ANXA5: variants seen among roughly 807,000 people sequenced by gnomAD.
ANXA5 encodes the protein annexin A5.
Under a neutral mutation model 48.1 loss-of-function variants are expected in ANXA5, and 40 were observed. That is an observed-to-expected ratio of 0.83 (90% CI 0.65 to 1.08). The LOEUF (loss-of-function observed/expected upper bound fraction) is 1.08. Among genes scored for constraint, ANXA5 ranks in the 50% least tolerant of loss-of-function variants. The pLI is 0.00. For synonymous variants in ANXA5, 113 were observed against 129.1 expected, an observed-to-expected ratio of 0.88 and a Z score of 0.85; for missense variants, 357 against 376.8, an observed-to-expected ratio of 0.95 and a Z score of 0.44.
At chr4:121,686,971 C>T (rs1724901691) in intron 2 of ANXA5, among the ~76,000 whole-genome samples, 2 of 152,238 alleles carry the variant, frequency 1.3e-5, no homozygotes, top group Non-Finnish European at 2.9e-5. Flanking sequence ...CATATATATA[C>T]ACTGCTTTTA....
intron 3 of ANXA5, among the ~76,000 whole-genome samples, chr4:121,685,788 C>T (rs12511956): frequency 0.72 from 109,169 of 152,106 alleles, 43,305 homozygotes; most frequent in East Asian, 0.99. Context: ...GCACAGCTGC[C>T]CACCTGCAGG....
intron 5 of ANXA5, 70 bp downstream of exon 5, chr4:121,683,294 A>C: frequency 3.3e-6 from 3 of 900,316 alleles, no homozygotes; most frequent in Non-Finnish European, 4.9e-6. Context: ...ATAACAAATA[A>C]GAGGAAGTAA....
intron 6 of ANXA5, 133 bp downstream of exon 6, chr4:121,681,538 T>G: frequency 2.1e-6 from 1 of 482,822 alleles, no homozygotes; most frequent in Admixed American, 3.6e-5. Context: ...GAATTGCAGG[T>G]CATTCATTCA....
chr4:121,690,891 C>T (rs973503942), intron 2 of ANXA5, among the ~76,000 whole-genome samples: 1 of 152,152 alleles, frequency 6.6e-6, no homozygotes, highest in African/African-American at 2.4e-5. Flanking sequence ...AGCCACGTAG[C>T]GGTATTAAGA....
chr4:121,683,064 A>AT (rs374755087), intron 5 of ANXA5, among the ~76,000 whole-genome samples: 2 of 152,246 alleles, frequency 1.3e-5, no homozygotes, highest in Non-Finnish European at 1.5e-5. Context: ...CATCTGTAAT[A>AT]TTTTTTAAAC....
Position 121,693,341 on chromosome 4 carries a change from T to C in ANXA5, c.9+3240A>G, listed in dbSNP as rs565485899. Among the ~76,000 whole-genome samples the C allele has an allele frequency of 3.9e-5, 6 of 152,174 alleles. No individual in the cohort carries two copies. The East Asian group carries it at 7.7e-4, about 20-fold the overall frequency. ...TGATATGTTTACATATTATGTAAAC[T>C]AACTAAACTGAAAGACTGCGTCTAA... On this transcript the variant is annotated intron_variant, in intron 2 of 12. Coordinates refer to ENST00000296511, the MANE Select transcript of ANXA5 (RefSeq NM_001154.4).
chr4:121,678,105 C>G (rs1007553193), intron 7 of ANXA5, 155 bp from the exon 8 acceptor site: 8 of 654,322 alleles, frequency 1.2e-5, no homozygotes, highest in African/African-American at 3.6e-5. Context: ...TTATCATCAC[C>G]CAGCACTGTC....
intron 2 of ANXA5, among the ~76,000 whole-genome samples, chr4:121,693,405 TA>T: frequency 6.6e-6 from 1 of 152,188 alleles, no homozygotes; most frequent in Admixed American, 6.5e-5. Flanking sequence ...CCCTAATTTT[TA>T]AAAAACAGAT....
intron 4 of ANXA5, among the ~76,000 whole-genome samples, chr4:121,684,361 A>G (rs1239205370): frequency 3.9e-5 from 6 of 152,244 alleles, no homozygotes; most frequent in African/African-American, 1.4e-4. Flanking sequence ...GCTTACACCT[A>G]GAAAATGGAT....
intron 5 of ANXA5, among the ~76,000 whole-genome samples, 175 bp downstream of exon 5, chr4:121,683,189 C>G (rs1331718255): frequency 6.6e-6 from 1 of 152,126 alleles, no homozygotes; most frequent in Non-Finnish European, 1.5e-5. Context: ...TGAAATGACA[C>G]ACGTGTAATT....
chr4:121,682,905 G>C (rs1358273581), intron 5 of ANXA5, among the ~76,000 whole-genome samples: 1 of 152,084 alleles, frequency 6.6e-6, no homozygotes, highest in African/African-American at 2.4e-5. Context: ...CTTCATTTTA[G>C]TGTTTAGAGG....
At chr4:121,675,238 G>C (rs1278702795) in intron 8 of ANXA5, among the ~76,000 whole-genome samples, 1 of 152,206 alleles carries the variant, frequency 6.6e-6, no homozygotes, top group African/African-American at 2.4e-5. Flanking sequence ...AAAACGTTCA[G>C]TTCCCAAGTG....
At chr4:121,676,681 G>A (rs75451648) in intron 8 of ANXA5, among the ~76,000 whole-genome samples, 1 of 103,770 alleles carries the variant, frequency 9.6e-6, no homozygotes, top group Non-Finnish European at 2.4e-5. Flanking sequence ...GCCTGGGGGC[G>A]GGGGGGGGTA....
chr4:121,676,914 G>A (rs925842560), intron 8 of ANXA5, among the ~76,000 whole-genome samples: 1 of 152,170 alleles, frequency 6.6e-6, no homozygotes, highest in Non-Finnish European at 1.5e-5. Flanking sequence ...AGAGTCTGAA[G>A]GGGCTGGACA....
chr4:121,696,657 G>A, intron 1 of ANXA5, 33 bp from the exon 2 acceptor site: 1 of 1,306,998 alleles, frequency 7.7e-7, no homozygotes, highest in Non-Finnish European at 9.9e-7. Flanking sequence ...GGCTTAGCGC[G>A]CCATTTGCAA....
chr4:121,681,778 A>G lies in ANXA5; in HGVS notation c.304-17T>C. ...TCCAGCTCCCTGTTTGGAGATTTTA[A>G]TAGAGAAAACATGTCAATAAGATTA... On this transcript the variant is annotated splice_polypyrimidine_tract_variant and intron_variant, in intron 5 of 12. Coordinates refer to ENST00000296511, the MANE Select transcript of ANXA5 (RefSeq NM_001154.4). 1.3e-6 allele frequency: 2 copies of G among 1,570,232 alleles called. No individual in the cohort carries two copies. The highest frequency in any genetic ancestry group is 1.4e-5 in the African/African-American group (1 of 74,010).
chr4:121,693,237 G>A (rs530352558), intron 2 of ANXA5, among the ~76,000 whole-genome samples: 1 of 151,304 alleles, frequency 6.6e-6, no homozygotes, highest in South Asian at 2.1e-4. Context: ...CCATCTCGGG[G>A]GAGAAAAAAA....
Position 121,679,970 on chromosome 4 carries a change from A to C in ANXA5, c.395-1476T>G, listed in dbSNP as rs567776051. On this transcript the variant is annotated intron_variant, in intron 6 of 12. Coordinates refer to ENST00000296511, the MANE Select transcript of ANXA5 (RefSeq NM_001154.4). ...TTTCACTATAGTCACCACGCTGTTC[A>C]TGAGATCCCCAGAACTTATTCATCC... Among the ~76,000 whole-genome samples the C allele has an allele frequency of 2.6e-4, 40 of 152,300 alleles. 1 individual carries two copies. In the South Asian group the frequency reaches 8.3e-3, roughly 32 times the overall value.
chr4:121,669,598 C>CT lies in ANXA5; in HGVS notation c.903+3dup. The CT allele has an allele frequency of 6.2e-7, 1 of 1,613,460 alleles. No individual in the cohort carries two copies. The highest frequency in any genetic ancestry group is 1.3e-5 in the African/African-American group (1 of 74,978). ...AAACGTAATTTAAAGAAAGGTTCTACTACCTTAATCATGGAATAAAGAGAG... is the reference window on the plus strand; with the variant it reads ...AAACGTAATTTAAAGAAAGGTTCTACTTACCTTAATCATGGAATAAAGAGAG... On this transcript the variant is annotated splice_donor_region_variant and intron_variant, in intron 12 of 12. Transcript: ENST00000296511.
Sources: allele counts gnomAD v4.1 joint callset (sites outside exome capture counted in the v4.1 genomes callset), GRCh38; gene constraint gnomAD v4.1.1; transcripts MANE v1.5; gene names NCBI Gene and HGNC (gene_info 2026-07-23, HGNC 2026-07-21).